Variants in SUCLG2 observed in about 807,000 individuals in gnomAD.
SUCLG2 encodes the protein succinate-CoA ligase GDP-forming subunit beta, also known as succinate--CoA ligase [GDP-forming] subunit beta, mitochondrial.
In SUCLG2, 42 loss-of-function variants were observed where a neutral mutation model predicts 47.9. The ratio of observed to expected loss-of-function variants is 0.88; its 90% CI spans 0.69 to 1.14. The LOEUF (loss-of-function observed/expected upper bound fraction) is 1.14, where lower values mean the gene tolerates loss of function less well. SUCLG2 is among the 50% of genes most tolerant of loss of function. SUCLG2 has a pLI of 0.00. For synonymous variants in SUCLG2, 195 were observed against 197.3 expected (o/e 0.99, Z 0.10); for missense variants, 571 against 525.9 (o/e 1.09, Z -0.84).
At chr3:67,365,076 T>C (rs1701857709) in intron 10 of SUCLG2, among the ~76,000 whole-genome samples, 1 of 152,116 alleles carries the variant, frequency 6.6e-6, no homozygotes, top group African/African-American at 2.4e-5. Flanking sequence ...ATCTGTAAAC[T>C]GGAAGACAGA....
At chr3:67,416,600 T>A (rs1312965915) in intron 9 of SUCLG2, among the ~76,000 whole-genome samples, 1 of 152,220 alleles carries the variant, frequency 6.6e-6, no homozygotes, top group Non-Finnish European at 1.5e-5. Context: ...TCTATAATGA[T>A]CTGTTACATA....
At chr3:67,525,437 T>G (rs765722256) in intron 4 of SUCLG2, among the ~76,000 whole-genome samples, 21 of 152,268 alleles carry the variant, frequency 1.4e-4, no homozygotes, top group Admixed American at 4.6e-4. Flanking sequence ...CAAAGATCAA[T>G]GGAACAAAAC....
intron 2 of SUCLG2, among the ~76,000 whole-genome samples, chr3:67,557,844 C>T (rs2634736): frequency 0.26 from 39,735 of 152,018 alleles, 8,209 homozygotes; most frequent in African/African-American, 0.55. Context: ...TTTGGGCACC[C>T]CTGAAAAATC....
intron 4 of SUCLG2, among the ~76,000 whole-genome samples, chr3:67,527,477 A>C (rs1453716598): frequency 6.6e-6 from 1 of 152,166 alleles, no homozygotes; most frequent in East Asian, 1.9e-4. Flanking sequence ...CTGGATACAC[A>C]AAAGGGATGG....
intron 1 of SUCLG2, among the ~76,000 whole-genome samples, chr3:67,627,943 G>T (rs1575828179): frequency 6.6e-6 from 1 of 152,134 alleles, no homozygotes; most frequent in African/African-American, 2.4e-5. Flanking sequence ...GTTGGGGGTG[G>T]GGGACACTGC....
chr3:67,548,882 C>A (rs529533576), intron 2 of SUCLG2, among the ~76,000 whole-genome samples: 1 of 152,082 alleles, frequency 6.6e-6, no homozygotes. Context: ...TATCCAAAGG[C>A]GTATAAAAAA....
At chr3:67,615,553 C>G (rs1460878504) in intron 1 of SUCLG2, among the ~76,000 whole-genome samples, 1 of 151,636 alleles carries the variant, frequency 6.6e-6, no homozygotes, top group Non-Finnish European at 1.5e-5. Flanking sequence ...AATAGAAACT[C>G]AAACAAAACG....
At chr3:67,528,075 TTTTC>T (rs1706302163) in intron 4 of SUCLG2, 53 bp downstream of exon 4, 1 of 1,488,038 alleles carries the variant, frequency 6.7e-7, no homozygotes, top group East Asian at 2.3e-5. Flanking sequence ...TGAAGGATGG[TTTTC>T]TTTTCTATTT....
At chr3:67,531,128 C>T (rs1706392147) in intron 2 of SUCLG2, among the ~76,000 whole-genome samples, 1 of 152,152 alleles carries the variant, frequency 6.6e-6, no homozygotes, top group Admixed American at 6.5e-5. Flanking sequence ...GTGCCTGGCA[C>T]ATTTTTTTAA....
chr3:67,650,284 T>G (rs986649054), intron 1 of SUCLG2, among the ~76,000 whole-genome samples: 1 of 152,246 alleles, frequency 6.6e-6, no homozygotes, highest in African/African-American at 2.4e-5. Context: ...ACAAAAGTCA[T>G]GCATTCATCT....
chr3:67,530,058 A>C, intron 2 of SUCLG2, among the ~76,000 whole-genome samples: 1 of 152,222 alleles, frequency 6.6e-6, no homozygotes. Flanking sequence ...ACTGCAGACC[A>C]CAGCTGATAT....
intron 1 of SUCLG2, among the ~76,000 whole-genome samples, chr3:67,633,832 G>A (rs966486366): frequency 4.6e-5 from 7 of 151,870 alleles, no homozygotes; most frequent in African/African-American, 1.7e-4. Flanking sequence ...AATCCTCTCC[G>A]CTTTCTGCCT....
chr3:67,606,245 C>T (rs9844454), intron 2 of SUCLG2, among the ~76,000 whole-genome samples: 74,005 of 151,826 alleles, frequency 0.49, 18,952 homozygotes, highest in African/African-American at 0.64. Flanking sequence ...AAGCATGGTA[C>T]ACAATCCCCA....
At chr3:67,381,096 G>A (rs1453603205) in intron 10 of SUCLG2, among the ~76,000 whole-genome samples, 1 of 152,066 alleles carries the variant, frequency 6.6e-6, no homozygotes, top group African/African-American at 2.4e-5. Flanking sequence ...AGGACCGCTT[G>A]AGCACAGAAG....
intron 9 of SUCLG2, among the ~76,000 whole-genome samples, chr3:67,402,132 A>G (rs994439892): frequency 6.6e-6 from 1 of 152,250 alleles, no homozygotes; most frequent in African/African-American, 2.4e-5. Context: ...TGGTCGAGTT[A>G]CAGAACCTCT....
At chr3:67,493,648 C>A (rs1705257731) in intron 9 of SUCLG2, among the ~76,000 whole-genome samples, 1 of 152,100 alleles carries the variant, frequency 6.6e-6, no homozygotes, top group Non-Finnish European at 1.5e-5. Context: ...ATCCTTTGCA[C>A]AGAGTTTCAG....
At chr3:67,401,623 G>C (rs886083534) in intron 9 of SUCLG2, among the ~76,000 whole-genome samples, 2 of 149,268 alleles carry the variant, frequency 1.3e-5, no homozygotes, top group Admixed American at 6.7e-5. Flanking sequence ...TGATAACTAG[G>C]CATAAGAAAA....
chr3:67,474,589 G>A (rs981572065), intron 9 of SUCLG2, among the ~76,000 whole-genome samples: 1 of 152,072 alleles, frequency 6.6e-6, no homozygotes, highest in African/African-American at 2.4e-5. Context: ...CATTTAGAAG[G>A]GCTCATGTAA....
chr3:67,608,563 A>G (rs886807314), intron 2 of SUCLG2, among the ~76,000 whole-genome samples: 4 of 152,010 alleles, frequency 2.6e-5, no homozygotes, highest in Non-Finnish European at 5.9e-5. Flanking sequence ...ACTATTCTTC[A>G]TTTCAAAAAG....
Sources: allele counts gnomAD v4.1 joint callset (sites outside exome capture counted in the v4.1 genomes callset), GRCh38; gene constraint gnomAD v4.1.1; transcripts MANE v1.5; gene names NCBI Gene and HGNC (gene_info 2026-07-23, HGNC 2026-07-21).